Variants in HBP1 observed in about 807,000 individuals in gnomAD.
HBP1 encodes HMG-box transcription factor 1.
HBP1 carries 20 observed loss-of-function variants against 62.6 expected under a neutral mutation model. That is an observed-to-expected ratio of 0.32 (90% CI 0.22 to 0.46). The LOEUF (loss-of-function observed/expected upper bound fraction) is 0.46, where lower values mean the gene tolerates loss of function less well. Among genes scored for constraint, HBP1 ranks in the 20% least tolerant of loss-of-function variants. The pLI is 1.00. For missense variants in HBP1, 480 were observed against 611.8 expected, an observed-to-expected ratio of 0.78 and a Z score of 2.27; for synonymous variants, 232 against 206.2, an observed-to-expected ratio of 1.12 and a Z score of -1.07.
At chr7:107,187,291 C>G (rs899544831) in intron 6 of HBP1, among the ~76,000 whole-genome samples, 98 of 152,196 alleles carry the variant, frequency 6.4e-4, no homozygotes, top group African/African-American at 2.2e-3. Context: ...AATAAATAAA[C>G]TAACCAAAGC....
intron 9 of HBP1, chr7:107,196,646 G>A: frequency 4.8e-6 from 1 of 207,698 alleles, no homozygotes; most frequent in South Asian, 6.5e-5. Flanking sequence ...AGACAATTAG[G>A]TTATCTACCT....
intron 3 of HBP1, among the ~76,000 whole-genome samples, chr7:107,183,721 A>G (rs1341174134): frequency 1.3e-5 from 2 of 151,830 alleles, no homozygotes; most frequent in Non-Finnish European, 2.9e-5. Context: ...ATAACAGTTT[A>G]TGGAAAGTGA....
Position 107,171,073 on chromosome 7 carries a change from A to ATATTTTT in HBP1, c.-16+1889_-16+1890insATTTTTT. On this transcript the variant is annotated intron_variant, in intron 1 of 10. Transcript: ENST00000222574. ...TATATATATATATATATATATATAT[A>ATATTTTT]TTTTTTTTTTTTTTTGAGAGGGAGT... Among the ~76,000 whole-genome samples, 18 of 87,192 alleles carry ATATTTTT rather than the reference A, an allele frequency of 2.1e-4. 2 individuals carry two copies. The highest frequency in any genetic ancestry group is 9.3e-4 in the African/African-American group (14 of 15,086). 57.2% of individuals were successfully genotyped at this position (87,192 alleles called of 152,430 possible).
Position 107,195,867 on chromosome 7 carries a change from T to G in HBP1, c.1101T>G (p.Val367=). 6.2e-7 allele frequency: 1 copy of G among 1,608,582 alleles called. No homozygotes were observed. The highest frequency in any genetic ancestry group is 8.5e-7 in the Non-Finnish European group (1 of 1,175,072). ...TCACACCTATGGATTCTTCTGCAGTTTATGTGTTAAGTAGTATGGCTCGCC... is the reference window on the plus strand; with the variant it reads ...TCACACCTATGGATTCTTCTGCAGTGTATGTGTTAAGTAGTATGGCTCGCC... ...YDFTPMDSSA[V]YVLSSMARQR... The change falls in exon 9 of 11, where the codon GTT becomes GTG. Residue 367 remains valine, a synonymous_variant. Coordinates refer to ENST00000222574, the MANE Select transcript of HBP1 (RefSeq NM_012257.4).
At chr7:107,177,329 C>G (rs1006538418) in intron 1 of HBP1, among the ~76,000 whole-genome samples, 1 of 152,106 alleles carries the variant, frequency 6.6e-6, no homozygotes, top group Admixed American at 6.5e-5. Context: ...TTTGCTACAC[C>G]ATAATAGTAG....
chr7:107,186,182 T>A (rs935209003), intron 4 of HBP1, among the ~76,000 whole-genome samples, 179 bp from the exon 5 acceptor site: 9 of 148,814 alleles, frequency 6.0e-5, no homozygotes, highest in African/African-American at 9.8e-5. Flanking sequence ...TTTTTTTTTT[T>A]AGCAAATTCT....
chr7:107,200,870 C>T (rs570019347), intron 10 of HBP1: 1 of 152,690 alleles, frequency 6.5e-6, no homozygotes, highest in South Asian at 2.1e-4. Flanking sequence ...ATAACTTTTC[C>T]ATTACTAAAC....
At chr7:107,194,949 G>A (rs1797818355) in intron 8 of HBP1, among the ~76,000 whole-genome samples, 1 of 152,188 alleles carries the variant, frequency 6.6e-6, no homozygotes, top group African/African-American at 2.4e-5. Flanking sequence ...TATGTTATAG[G>A]TCATGGATGG....
At chr7:107,197,775 A>AAAAG (rs1330668026) in intron 9 of HBP1, among the ~76,000 whole-genome samples, 1 of 152,188 alleles carries the variant, frequency 6.6e-6, no homozygotes, top group African/African-American at 2.4e-5. Flanking sequence ...TTCTTCAGTA[A>AAAAG]AAAGAGTGGG....
At chr7:107,193,067 A>G (rs1797730785) in intron 8 of HBP1, 1 of 152,200 alleles carries the variant, frequency 6.6e-6, no homozygotes. Context: ...CAATCAGTTG[A>G]TGAGCTCTCA....
intron 1 of HBP1, chr7:107,170,273 T>G (rs1796490051): frequency 4.3e-6 from 1 of 234,952 alleles, no homozygotes; most frequent in Non-Finnish European, 7.0e-6. Flanking sequence ...TTTAGCTTTA[T>G]TAATACTTCC....
chr7:107,179,447 G>A (rs1428582087), intron 1 of HBP1, among the ~76,000 whole-genome samples: 1 of 152,150 alleles, frequency 6.6e-6, no homozygotes, highest in East Asian at 1.9e-4. Context: ...ATTTGAGGGA[G>A]CTATAAATGG....
At chr7:107,170,929 G>A (rs11762152) in intron 1 of HBP1, among the ~76,000 whole-genome samples, 27,892 of 142,450 alleles carry the variant, frequency 0.2, 2,855 homozygotes, top group Middle Eastern at 0.24. Context: ...ATATGTATAT[G>A]TATAAAATAT....
At chr7:107,200,033 C>T in intron 9 of HBP1, 127 bp from the exon 10 acceptor site, 1 of 683,976 alleles carries the variant, frequency 1.5e-6, no homozygotes, top group Non-Finnish European at 2.3e-6. Flanking sequence ...TGACCTTTTC[C>T]CATCTCTGTG....
chr7:107,176,746 G>A (rs6965854), intron 1 of HBP1, among the ~76,000 whole-genome samples: 2,147 of 143,764 alleles, frequency 0.015, 60 homozygotes, highest in African/African-American at 0.051. Flanking sequence ...GCTTAAAATC[G>A]TGATTTCATA....
At chr7:107,200,505 G>T in intron 10 of HBP1, 1 of 393,270 alleles carries the variant, frequency 2.5e-6, no homozygotes, top group Non-Finnish European at 4.5e-6. Flanking sequence ...AGCATGGCAA[G>T]TCGAAATCTC....
At chr7:107,179,727 A>G in intron 1 of HBP1, 152 bp from the exon 2 acceptor site, 1 of 434,542 alleles carries the variant, frequency 2.3e-6, no homozygotes, top group Non-Finnish European at 4.2e-6. Context: ...AGCCGAGATC[A>G]CGCCACTGCA....
intron 4 of HBP1, 141 bp from the exon 5 acceptor site, chr7:107,186,220 G>A: frequency 3.0e-5 from 11 of 363,462 alleles, no homozygotes; most frequent in Non-Finnish European, 4.8e-6. Context: ...CTCAGTTTTT[G>A]AAGGCATTAT....
At chr7:107,169,706 G>A (rs1231852638) in intron 1 of HBP1, 3 of 982,122 alleles carry the variant, frequency 3.1e-6, no homozygotes, top group Non-Finnish European at 3.6e-6. Context: ...GGGCCCCGGG[G>A]CTCATTGTTA....
Sources: allele counts gnomAD v4.1 joint callset (sites outside exome capture counted in the v4.1 genomes callset), GRCh38; gene constraint gnomAD v4.1.1; transcripts MANE v1.5; gene names NCBI Gene and HGNC (gene_info 2026-07-23, HGNC 2026-07-21).